Variants in PCDHA7 observed in about 807,000 individuals in gnomAD.
The protein encoded by PCDHA7 is protocadherin alpha-7.
PCDHA7 carries 37 observed loss-of-function variants against 57.2 expected under a neutral mutation model. That is an observed-to-expected ratio of 0.65 (90% confidence interval 0.50 to 0.85). The LOEUF (loss-of-function observed/expected upper bound fraction) is 0.85, where lower values mean the gene tolerates loss of function less well. PCDHA7 is among the 40% of genes least tolerant of loss of function. The pLI is 0.00. For synonymous variants in PCDHA7, 553 were observed against 558.8 expected, an observed-to-expected ratio of 0.99 and a Z score of 0.15; for missense variants, 1,188 against 1,241.8, an observed-to-expected ratio of 0.96 and a Z score of 0.65.
chr5:141,000,399 A>C (rs77386673), intron 3 of PCDHA7, among the ~76,000 whole-genome samples: 2,158 of 66,344 alleles, frequency 0.033, 38 homozygotes, highest in Non-Finnish European at 0.044. Context: ...CTCTCTCTAT[A>C]TATATATATA....
chr5:140,917,039 A>G (rs1279228933), intron 1 of PCDHA7, among the ~76,000 whole-genome samples: 1 of 152,132 alleles, frequency 6.6e-6, no homozygotes, highest in African/African-American at 2.4e-5. Flanking sequence ...TGAGTCCAGC[A>G]CAGTGTTGTT....
intron 1 of PCDHA7, among the ~76,000 whole-genome samples, chr5:140,839,382 TGA>T (rs1562376295): frequency 0.03 from 2 of 66 alleles, no homozygotes; most frequent in South Asian, 0.071. Flanking sequence ...TCAATTATTA[TGA>T]TGATGATGAT....
At chr5:140,936,833 A>G (rs186890408) in intron 1 of PCDHA7, among the ~76,000 whole-genome samples, 1 of 152,276 alleles carries the variant, frequency 6.6e-6, no homozygotes, top group East Asian at 1.9e-4. Context: ...GCATTTCTAT[A>G]TAAATTGTAG....
chr5:140,849,830 G>T lies in PCDHA7; in HGVS notation c.2355+13092G>T. The T allele has an allele frequency of 1.3e-6, 2 of 1,598,574 alleles. 1 individual carries two copies. Among genetic ancestry groups the T allele is most frequent in the Admixed American group, 3.4e-5 (2 of 59,342 alleles). On this transcript the variant is annotated intron_variant, in intron 1 of 3. Coordinates refer to ENST00000525929, the MANE Select transcript of PCDHA7 (RefSeq NM_018910.3). ...CCACGGCCAGGGTGTCTGTGGAGGT[G>T]GCCGACGTGAACGACAACGCACCAG...
intron 1 of PCDHA7, chr5:140,927,791 G>C: frequency 6.2e-7 from 1 of 1,614,196 alleles, no homozygotes; most frequent in Admixed American, 1.7e-5. Context: ...GCTTCACTAG[G>C]TCCGCCTGAA....
intron 3 of PCDHA7, among the ~76,000 whole-genome samples, chr5:140,998,721 C>A (rs987484967): frequency 4.6e-5 from 7 of 152,084 alleles, no homozygotes; most frequent in Admixed American, 4.6e-4. Flanking sequence ...TGCACCACCA[C>A]GCTAGGCTAA....
intron 1 of PCDHA7, chr5:140,850,341 G>A: frequency 6.3e-7 from 1 of 1,597,748 alleles, no homozygotes. Flanking sequence ...GCCAGAAACG[G>A]CCAGCGCGAG....
chr5:140,845,818 A>T (rs1554141021), intron 1 of PCDHA7, among the ~76,000 whole-genome samples: 2 of 149,728 alleles, frequency 1.3e-5, no homozygotes, highest in Admixed American at 1.3e-4. Flanking sequence ...ACATAATAAA[A>T]TTTAGTTATT....
chr5:140,852,885 A>ATTT, intron 1 of PCDHA7: 1 of 778,088 alleles, frequency 1.3e-6, no homozygotes, highest in Non-Finnish European at 1.6e-6. Context: ...CATAAAACGT[A>ATTT]TTTTTTTTTT....
At chr5:140,912,689 CA>C (rs781833135) in intron 1 of PCDHA7, among the ~76,000 whole-genome samples, 5 of 152,112 alleles carry the variant, frequency 3.3e-5, no homozygotes, top group African/African-American at 4.8e-5. Context: ...TTCCAGGTCT[CA>C]GGGGGAATGC....
intron 1 of PCDHA7, chr5:140,876,229 GA>G: frequency 1.9e-6 from 3 of 1,613,978 alleles, no homozygotes; most frequent in Non-Finnish European, 2.5e-6. Context: ...AGTGTTGTCT[GA>G]AAATGTCCAA....
intron 1 of PCDHA7, chr5:140,884,705 C>G (rs1156324848): frequency 3.4e-6 from 5 of 1,491,236 alleles, no homozygotes; most frequent in African/African-American, 1.4e-5. Flanking sequence ...AACACTTTAG[C>G]CTTCCTTGCA....
rs2043467325 is a variant in PCDHA7 at position 140,855,436 on chromosome 5, G to C, written c.2355+18698G>C. Among the ~76,000 whole-genome samples the C allele has an allele frequency of 2.7e-5, 4 of 149,868 alleles. No homozygotes were observed. In the South Asian group the frequency reaches 8.4e-4, roughly 32 times the overall value. ...GATCTCTAAATTCTAGTGATGACTA[G>C]ATCTTCGGAGTTATAAACACCTCAC... On this transcript the variant is annotated intron_variant, in intron 1 of 3. Transcript: ENST00000525929.
chr5:140,967,385 C>G (rs2096135382), intron 1 of PCDHA7: 1 of 1,608,920 alleles, frequency 6.2e-7, no homozygotes, highest in African/African-American at 1.3e-5. Flanking sequence ...CAGTAAAGTG[C>G]TTGAGCTGGT....
intron 3 of PCDHA7, among the ~76,000 whole-genome samples, chr5:140,987,129 G>A (rs1281954011): frequency 1.3e-5 from 2 of 151,758 alleles, no homozygotes; most frequent in African/African-American, 4.8e-5. Flanking sequence ...CAGGAGAATT[G>A]CTTGAACTCG....
At chr5:140,949,009 G>A (rs1563235030) in intron 1 of PCDHA7, among the ~76,000 whole-genome samples, 1 of 151,574 alleles carries the variant, frequency 6.6e-6, no homozygotes, top group Non-Finnish European at 1.5e-5. Context: ...ATTTTTATAT[G>A]TGATGTTTTT....
intron 1 of PCDHA7, among the ~76,000 whole-genome samples, chr5:140,910,284 A>G (rs2153514340): frequency 6.6e-6 from 1 of 152,292 alleles, no homozygotes; most frequent in East Asian, 1.9e-4. Context: ...GAACACCATG[A>G]TTAATCAACA....
chr5:140,969,348 G>A, intron 1 of PCDHA7: 5 of 1,613,304 alleles, frequency 3.1e-6, no homozygotes, highest in Non-Finnish European at 4.2e-6. Flanking sequence ...CAGTGGTCAG[G>A]GGGTCTTCTA....
chr5:140,988,324 C>T (rs2097292768), intron 3 of PCDHA7, among the ~76,000 whole-genome samples: 1 of 152,206 alleles, frequency 6.6e-6, no homozygotes, highest in African/African-American at 2.4e-5. Flanking sequence ...CTTTCTCTAC[C>T]CGAGGAAAGT....
Sources: gnomAD v4.1 joint callset for allele counts (sites outside exome capture counted in the v4.1 genomes callset) on GRCh38, gnomAD v4.1.1 for gene constraint, MANE v1.5 for transcripts, NCBI Gene and HGNC (gene_info 2026-07-23, HGNC 2026-07-21) for gene names.